Variants in C12orf54 observed in about 807,000 individuals in gnomAD.
C12orf54 encodes the protein chromosome 12 open reading frame 54.
C12orf54 carries 24 observed loss-of-function variants against 26.4 expected under a neutral mutation model. That is an observed-to-expected ratio of 0.91 (90% CI 0.66 to 1.28). The LOEUF is 1.28. C12orf54 is among the 50% of genes most tolerant of loss of function. The probability of loss-of-function intolerance (pLI) is 0.00; values close to 1 mark genes in which losing one functional copy is unlikely to be tolerated. For synonymous variants in C12orf54, 54 were observed against 47.0 expected (o/e 1.15, Z -0.61); for missense variants, 154 against 150.9 (o/e 1.02, Z -0.11).
chr12:48,476,746 C>A, the C12orf54 span, among the ~76,000 whole-genome samples: 132 of 152,224 alleles, frequency 8.7e-4, no homozygotes, highest in Middle Eastern at 3.4e-3. Flanking sequence ...ATTCATAAAG[C>A]AAGTCCTTAG....
chr12:48,492,460 C>G (rs777434507), intron 6 of C12orf54, among the ~76,000 whole-genome samples: 2 of 152,200 alleles, frequency 1.3e-5, no homozygotes, highest in Non-Finnish European at 2.9e-5. Flanking sequence ...TAGGTCCCTG[C>G]AGGGCCCTGG....
the C12orf54 span, among the ~76,000 whole-genome samples, chr12:48,450,981 G>A: frequency 1.3e-5 from 2 of 151,940 alleles, no homozygotes; most frequent in African/African-American, 4.8e-5. Context: ...ATTCTATGAG[G>A]CCAGCATCAT....
At chr12:48,437,236 C>A in the C12orf54 span, among the ~76,000 whole-genome samples, 4 of 152,150 alleles carry the variant, frequency 2.6e-5, no homozygotes, top group East Asian at 7.7e-4. Flanking sequence ...CAATAACAGG[C>A]TCTGAAATTG....
chr12:48,441,507 T>C, the C12orf54 span, among the ~76,000 whole-genome samples: 1 of 151,850 alleles, frequency 6.6e-6, no homozygotes, highest in Admixed American at 6.6e-5. Flanking sequence ...ACATTGACCA[T>C]GTGCCCATTT....
chr12:48,421,512 CTTTTTTTTTTTTTTTT>C, the C12orf54 span, among the ~76,000 whole-genome samples: 5 of 43,450 alleles, frequency 1.2e-4, no homozygotes, highest in Non-Finnish European at 2.1e-4. Flanking sequence ...ATATCATGTG[CTTTTTTTTTTTTTTTT>C]TTTTTTTTTT....
the C12orf54 span, among the ~76,000 whole-genome samples, chr12:48,461,888 T>C: frequency 2.0e-4 from 31 of 151,776 alleles, no homozygotes; most frequent in South Asian, 5.8e-3. Context: ...ATAAAAATTA[T>C]AATGGATATC....
the C12orf54 span, among the ~76,000 whole-genome samples, chr12:48,459,436 A>G: frequency 2.9e-3 from 438 of 152,170 alleles, 2 homozygotes; most frequent in African/African-American, 9.9e-3. Flanking sequence ...TTCTTTTTCC[A>G]TATCTCAACA....
At chr12:48,452,270 C>T in the C12orf54 span, among the ~76,000 whole-genome samples, 4 of 152,122 alleles carry the variant, frequency 2.6e-5, no homozygotes, top group African/African-American at 2.4e-5. Context: ...GCTGGGAGAA[C>T]TGCCTAGCCA....
the C12orf54 span, among the ~76,000 whole-genome samples, chr12:48,423,198 G>T: frequency 0.35 from 53,859 of 151,868 alleles, 10,996 homozygotes; most frequent in Middle Eastern, 0.52. Context: ...ACACTTGTAG[G>T]GTGAGGAAGA....
At chr12:48,439,105 C>T in the C12orf54 span, among the ~76,000 whole-genome samples, 1 of 152,176 alleles carries the variant, frequency 6.6e-6, no homozygotes, top group Non-Finnish European at 1.5e-5. Context: ...ACAGACACTT[C>T]TCAAAAGAAG....
chr12:48,419,007 C>T, the C12orf54 span, among the ~76,000 whole-genome samples: 1 of 151,636 alleles, frequency 6.6e-6, no homozygotes, highest in Non-Finnish European at 1.5e-5. Context: ...AACTAGAGAT[C>T]ATTATAACAG....
At chr12:48,434,977 A>G in the C12orf54 span, among the ~76,000 whole-genome samples, 1 of 152,194 alleles carries the variant, frequency 6.6e-6, no homozygotes, top group Non-Finnish European at 1.5e-5. Flanking sequence ...TAAAAGAGGA[A>G]GTTTGAACCA....
At chr12:48,475,534 T>G in the C12orf54 span, among the ~76,000 whole-genome samples, 1 of 152,018 alleles carries the variant, frequency 6.6e-6, no homozygotes, top group African/African-American at 2.4e-5. Flanking sequence ...GAATAACCAA[T>G]GCAGAGAAGT....
At chr12:48,466,186 A>G in the C12orf54 span, among the ~76,000 whole-genome samples, 1 of 152,218 alleles carries the variant, frequency 6.6e-6, no homozygotes, top group African/African-American at 2.4e-5. Flanking sequence ...TTAATCTATT[A>G]TTATAATACA....
At chr12:48,416,801 G>A in the C12orf54 span, among the ~76,000 whole-genome samples, 1 of 152,068 alleles carries the variant, frequency 6.6e-6, no homozygotes, top group African/African-American at 2.4e-5. Flanking sequence ...GGTGGGGGTT[G>A]CAGTGGGCCT....
intron 6 of C12orf54, among the ~76,000 whole-genome samples, chr12:48,492,181 C>A (rs77483125): frequency 0.017 from 2,645 of 152,240 alleles, 84 homozygotes; most frequent in African/African-American, 0.06. Context: ...TTCAGCCCCG[C>A]AGCAAAACGG....
At chr12:48,417,799 T>C in the C12orf54 span, among the ~76,000 whole-genome samples, 18 of 152,158 alleles carry the variant, frequency 1.2e-4, no homozygotes, top group Non-Finnish European at 4.4e-5. Context: ...GAGTACCCAG[T>C]GTTTAGCTGC....
At chr12:48,437,381 A>C in the C12orf54 span, among the ~76,000 whole-genome samples, 19 of 152,326 alleles carry the variant, frequency 1.2e-4, no homozygotes, top group African/African-American at 4.3e-4. Context: ...AAAAGAGGGA[A>C]TCCTCCCTAA....
the C12orf54 span, among the ~76,000 whole-genome samples, chr12:48,427,037 T>C: frequency 2.9e-3 from 439 of 152,308 alleles, 3 homozygotes; most frequent in Non-Finnish European, 3.7e-3. Context: ...AGCGATAGTT[T>C]GACTGCTTCT....
Sources: allele counts gnomAD v4.1 joint callset (sites outside exome capture counted in the v4.1 genomes callset), GRCh38; gene constraint gnomAD v4.1.1; transcripts MANE v1.5; gene names NCBI Gene and HGNC (gene_info 2026-07-23, HGNC 2026-07-21).